The following CCDC7 variants were observed in gnomAD, a reference collection of about 807,000 sequenced individuals.
CCDC7 encodes the protein coiled-coil domain containing 7, also known as coiled-coil domain-containing protein 7.
CCDC7 carries 183 observed loss-of-function variants against 196.9 expected under a neutral mutation model. The observed-to-expected ratio is 0.93, with a 90% confidence interval of 0.82 to 1.05. CCDC7 has a LOEUF of 1.05. Ranked by LOEUF, CCDC7 falls within the 50% of genes least tolerant of loss-of-function variation. The pLI is 0.00. For synonymous variants in CCDC7, 525 were observed against 484.6 expected (o/e 1.08, Z -1.10); for missense variants, 1,540 against 1,482.2 (o/e 1.04, Z -0.64).
At chr10:32,655,228 G>A (rs73257500) in intron 20 of CCDC7, among the ~76,000 whole-genome samples, 8,084 of 152,168 alleles carry the variant, frequency 0.053, 718 homozygotes, top group African/African-American at 0.18. Context: ...GGGTTACCAA[G>A]GACCTAGAGT....
chr10:32,475,310 C>A (rs1308766396), intron 8 of CCDC7, among the ~76,000 whole-genome samples: 1 of 152,174 alleles, frequency 6.6e-6, no homozygotes, highest in Non-Finnish European at 1.5e-5. Context: ...CAGGGCCTTT[C>A]CACTTTATTT....
intron 24 of CCDC7, among the ~76,000 whole-genome samples, chr10:32,698,041 G>A (rs970026285): frequency 4.6e-5 from 7 of 152,188 alleles, no homozygotes; most frequent in Non-Finnish European, 7.3e-5. Context: ...TGCAGCCTCC[G>A]CTGGTGATAC....
At chr10:32,628,908 TG>T (rs2064431772) in intron 18 of CCDC7, among the ~76,000 whole-genome samples, 1 of 152,182 alleles carries the variant, frequency 6.6e-6, no homozygotes, top group Non-Finnish European at 1.5e-5. Context: ...AAGGCTTTTT[TG>T]TGCCTTATGT....
intron 9 of CCDC7, chr10:32,512,569 T>C (rs2046384819): frequency 6.6e-6 from 1 of 152,136 alleles, no homozygotes; most frequent in African/African-American, 2.4e-5. Context: ...TTTAAAAAAG[T>C]AACATTGATT....
intron 20 of CCDC7, among the ~76,000 whole-genome samples, chr10:32,653,059 G>A (rs1464921598): frequency 1.3e-5 from 2 of 152,176 alleles, no homozygotes; most frequent in Non-Finnish European, 2.9e-5. Context: ...TAGAAGGATA[G>A]CTTTGTTGAA....
rs180688879 is a variant in CCDC7 at position 32,549,035 on chromosome 10, T to C, written c.1134+4734T>C. ...CTAGTTTGTGTTCCCACCAGCAGTGTAGAAGTGTTCTCTGATCACCGCATC... is the reference window on the plus strand; with the variant it reads ...CTAGTTTGTGTTCCCACCAGCAGTGCAGAAGTGTTCTCTGATCACCGCATC... On this transcript the variant is annotated intron_variant, in intron 13 of 41. Coordinates refer to ENST00000639629, the Ensembl canonical transcript of CCDC7. 5.6e-4 allele frequency among the ~76,000 whole-genome samples: 86 copies of C among 152,312 alleles called. No homozygotes were observed. In the Middle Eastern group the frequency reaches 0.014, roughly 24 times the overall value.
intron 6 of CCDC7, 59 bp from the exon 8 acceptor site, chr10:32,472,422 A>C: frequency 6.9e-7 from 1 of 1,439,770 alleles, no homozygotes; most frequent in Non-Finnish European, 9.2e-7. Flanking sequence ...ATTTTAGTGT[A>C]ATTTAAACTC....
chr10:32,494,339 T>C (rs973303160), intron 9 of CCDC7, among the ~76,000 whole-genome samples: 3 of 152,152 alleles, frequency 2.0e-5, no homozygotes, highest in South Asian at 2.1e-4. Context: ...ATCATATATA[T>C]GTAAATTTAT....
exon 1 of CCDC7, chr10:32,451,707 C>T (rs1415403034): frequency 6.2e-7 from 1 of 1,613,568 alleles, no homozygotes; most frequent in East Asian, 2.2e-5. Context: ...GCATTAACTA[C>T]TAAAAAAGGA....
intron 5 of CCDC7, among the ~76,000 whole-genome samples, chr10:32,466,444 C>A (rs772591988): frequency 1.3e-5 from 2 of 152,072 alleles, no homozygotes; most frequent in African/African-American, 2.4e-5. Flanking sequence ...CTCATGTAGA[C>A]CCCAGTGTCT....
intron 18 of CCDC7, among the ~76,000 whole-genome samples, chr10:32,596,778 CT>C (rs2060413399): frequency 6.6e-6 from 1 of 152,106 alleles, no homozygotes; most frequent in African/African-American, 2.4e-5. Flanking sequence ...TTCTCCATCA[CT>C]TATGAAGCTT....
At chr10:32,493,496 A>G (rs2042450292) in intron 9 of CCDC7, among the ~76,000 whole-genome samples, 1 of 151,790 alleles carries the variant, frequency 6.6e-6, no homozygotes, top group South Asian at 2.1e-4. Context: ...TGCAGTGAAC[A>G]TGGGAGTATG....
At chr10:32,601,882 C>A (rs2061059832) in intron 18 of CCDC7, among the ~76,000 whole-genome samples, 1 of 152,014 alleles carries the variant, frequency 6.6e-6, no homozygotes, top group Admixed American at 6.5e-5. Context: ...TAAAATGGAC[C>A]AATCAGTGCT....
intron 25 of CCDC7, among the ~76,000 whole-genome samples, chr10:32,723,615 C>G (rs569798830): frequency 3.3e-5 from 5 of 152,130 alleles, no homozygotes; most frequent in African/African-American, 1.2e-4. Context: ...AGCCTTTCAT[C>G]CCAGTCCTCT....
chr10:32,862,782 C>G (rs2094054271), intron 41 of CCDC7, among the ~76,000 whole-genome samples: 1 of 152,048 alleles, frequency 6.6e-6, no homozygotes, highest in South Asian at 2.1e-4. Flanking sequence ...ATAGGAAACC[C>G]TAAAGACTAC....
chr10:32,633,682 G>GTATA (rs139788574), intron 18 of CCDC7, among the ~76,000 whole-genome samples: 25,678 of 120,902 alleles, frequency 0.21, 3,482 homozygotes, highest in Non-Finnish European at 0.31. Flanking sequence ...TTAGCTTTGT[G>GTATA]TATATATATA....
intron 18 of CCDC7, among the ~76,000 whole-genome samples, chr10:32,589,069 A>G (rs939813437): frequency 3.9e-5 from 6 of 152,130 alleles, no homozygotes; most frequent in Non-Finnish European, 4.4e-5. Context: ...TATTGACTAT[A>G]GTCACCCTAT....
intron 25 of CCDC7, among the ~76,000 whole-genome samples, chr10:32,712,326 G>T (rs532497808): frequency 6.6e-6 from 1 of 152,116 alleles, no homozygotes; most frequent in Non-Finnish European, 1.5e-5. Context: ...CAAAAGCATC[G>T]ACAATCATCA....
At chr10:32,740,400 A>G (rs2085629850) in intron 28 of CCDC7, among the ~76,000 whole-genome samples, 1 of 152,198 alleles carries the variant, frequency 6.6e-6, no homozygotes, top group Non-Finnish European at 1.5e-5. Context: ...ATGAGTTTGA[A>G]CTGTGTGGGT....
Sources: allele counts gnomAD v4.1 joint callset (sites outside exome capture counted in the v4.1 genomes callset), GRCh38; gene constraint gnomAD v4.1.1; transcripts MANE v1.5; gene names NCBI Gene and HGNC (gene_info 2026-07-23, HGNC 2026-07-21).